Variants in SORCS2 observed in about 807,000 individuals in gnomAD.
The protein encoded by SORCS2 is sortilin related VPS10 domain containing receptor 2.
Under a neutral mutation model 141.6 loss-of-function variants are expected in SORCS2, and 100 were observed. The observed-to-expected ratio is 0.71, with a 90% confidence interval of 0.60 to 0.83. The LOEUF (loss-of-function observed/expected upper bound fraction) is 0.83. Among genes scored for constraint, SORCS2 ranks in the 40% least tolerant of loss-of-function variants. The pLI is 0.00. For synonymous variants in SORCS2, 789 were observed against 676.9 expected, an observed-to-expected ratio of 1.17 and a Z score of -2.57; for missense variants, 1,646 against 1,560.2, an observed-to-expected ratio of 1.05 and a Z score of -0.93.
rs183807847 is a variant in SORCS2 at position 7,631,402 on chromosome 4, G to T, written c.649-6926G>T. On this transcript the variant is annotated intron_variant, in intron 3 of 26. Transcript: ENST00000507866. ...AGACCTCCTGGCCAGGCAGGGAGGG[G>T]GTGGGAGGGCCAGCTCAGCATCTCC... 5.0e-3 allele frequency among the ~76,000 whole-genome samples: 755 copies of T among 152,110 alleles called. 2 individuals are homozygous for T. The highest frequency in any genetic ancestry group is 8.4e-3 in the Non-Finnish European group (571 of 67,998).
At chr4:7,392,068 A>G (rs1471577696) in intron 1 of SORCS2, among the ~76,000 whole-genome samples, 1 of 152,250 alleles carries the variant, frequency 6.6e-6, no homozygotes, top group Non-Finnish European at 1.5e-5. Flanking sequence ...CAAGACAGCA[A>G]CAGCAGAGCA....
chr4:7,483,639 C>T (rs1033190235), intron 2 of SORCS2, among the ~76,000 whole-genome samples: 1 of 151,916 alleles, frequency 6.6e-6, no homozygotes, highest in Non-Finnish European at 1.5e-5. Context: ...GGTCCCAGGC[C>T]AGCAATGCCC....
chr4:7,504,257 A>G (rs1159445016), intron 2 of SORCS2, among the ~76,000 whole-genome samples: 5 of 152,144 alleles, frequency 3.3e-5, no homozygotes, highest in Non-Finnish European at 7.4e-5. Context: ...GGCGGCCATC[A>G]CTGTAATTCA....
chr4:7,425,967 C>G (rs964356223), intron 2 of SORCS2, among the ~76,000 whole-genome samples: 10 of 152,242 alleles, frequency 6.6e-5, no homozygotes, highest in Non-Finnish European at 1.5e-4. Context: ...ACAAAGGCAT[C>G]ATGATCCCGT....
intron 2 of SORCS2, among the ~76,000 whole-genome samples, chr4:7,484,864 G>A (rs931537966): frequency 1.3e-5 from 2 of 151,560 alleles, no homozygotes; most frequent in South Asian, 2.1e-4. Flanking sequence ...TCCTCCATGC[G>A]GCCTGTCTCC....
At chr4:7,581,433 A>G (rs1716136092) in intron 3 of SORCS2, among the ~76,000 whole-genome samples, 1 of 152,176 alleles carries the variant, frequency 6.6e-6, no homozygotes, top group African/African-American at 2.4e-5. Flanking sequence ...TTTTTAAAAT[A>G]AAAAGTCCAT....
intron 3 of SORCS2, among the ~76,000 whole-genome samples, chr4:7,540,367 C>A (rs1207224937): frequency 2.0e-5 from 3 of 152,046 alleles, no homozygotes; most frequent in Non-Finnish European, 1.5e-5. Flanking sequence ...GACATAGGAC[C>A]CCAGCCTTCT....
At chr4:7,631,061 T>C (rs1341451567) in intron 3 of SORCS2, among the ~76,000 whole-genome samples, 2 of 150,674 alleles carry the variant, frequency 1.3e-5, no homozygotes, top group African/African-American at 4.9e-5. Context: ...TTTTTTTTTT[T>C]TTTTTAACTT....
intron 3 of SORCS2, among the ~76,000 whole-genome samples, chr4:7,574,380 A>C (rs1715606928): frequency 6.6e-6 from 1 of 152,234 alleles, no homozygotes; most frequent in African/African-American, 2.4e-5. Flanking sequence ...ATTTTTTAAC[A>C]TAGAAAACAG....
intron 2 of SORCS2, among the ~76,000 whole-genome samples, chr4:7,496,765 G>A (rs1666673881): frequency 6.6e-6 from 1 of 152,112 alleles, no homozygotes; most frequent in Non-Finnish European, 1.5e-5. Context: ...GGAATCCAAG[G>A]CGCCTTCACC....
At chr4:7,476,899 T>C (rs960970651) in intron 2 of SORCS2, among the ~76,000 whole-genome samples, 2 of 152,200 alleles carry the variant, frequency 1.3e-5, no homozygotes, top group African/African-American at 4.8e-5. Flanking sequence ...GGTTCAAATC[T>C]CCAACTCAGT....
intron 1 of SORCS2, among the ~76,000 whole-genome samples, chr4:7,357,834 G>A: frequency 6.6e-6 from 1 of 152,306 alleles, no homozygotes. Flanking sequence ...CCTGCCTTGT[G>A]TTTGGCGTGG....
chr4:7,661,394 G>A (rs943620968), intron 5 of SORCS2, 106 bp from the exon 6 acceptor site: 12 of 1,218,272 alleles, frequency 9.9e-6, no homozygotes, highest in Admixed American at 4.0e-5. Context: ...AGCAAGGGCG[G>A]CTTCAGAACC....
chr4:7,452,788 G>A (rs564394789), intron 2 of SORCS2, among the ~76,000 whole-genome samples: 9 of 152,360 alleles, frequency 5.9e-5, no homozygotes, highest in African/African-American at 1.2e-4. Flanking sequence ...GAGCTTGGAC[G>A]TGTTAGTGTC....
intron 2 of SORCS2, among the ~76,000 whole-genome samples, chr4:7,417,515 A>G (rs893940846): frequency 6.6e-6 from 1 of 152,192 alleles, no homozygotes; most frequent in African/African-American, 2.4e-5. Flanking sequence ...TGGAAGTCTC[A>G]GCTCTGCCAT....
At chr4:7,248,047 C>T (rs1048813034) in intron 1 of SORCS2, among the ~76,000 whole-genome samples, 3 of 152,194 alleles carry the variant, frequency 2.0e-5, no homozygotes, top group African/African-American at 7.2e-5. Flanking sequence ...ACCTGAGAGC[C>T]GAGCCCCATC....
intron 3 of SORCS2, among the ~76,000 whole-genome samples, chr4:7,623,662 G>A (rs1257925434): frequency 6.6e-6 from 1 of 152,078 alleles, no homozygotes; most frequent in Non-Finnish European, 1.5e-5. Flanking sequence ...CTTCCTGCTG[G>A]ATTGGTCACC....
intron 2 of SORCS2, among the ~76,000 whole-genome samples, chr4:7,504,801 A>G (rs968569292): frequency 6.6e-6 from 1 of 152,170 alleles, no homozygotes; most frequent in Admixed American, 6.5e-5. Context: ...GAACCATGGT[A>G]TGTCTGCCAC....
chr4:7,469,108 GTGGTGGTGATGGTGCTGATAGTGGTCA>G (rs752582605), intron 2 of SORCS2, among the ~76,000 whole-genome samples: 7,417 of 152,144 alleles, frequency 0.049, 607 homozygotes, highest in African/African-American at 0.17. Flanking sequence ...TGTGATGGTG[GTGGTGGTGATGGTGCTGATAGTGGTCA>G]TGGTGGTGAT....
Sources: gnomAD v4.1 joint callset for allele counts (sites outside exome capture counted in the v4.1 genomes callset) on GRCh38, gnomAD v4.1.1 for gene constraint, MANE v1.5 for transcripts, NCBI Gene and HGNC (gene_info 2026-07-23, HGNC 2026-07-21) for gene names.